TRIM5: variants seen among roughly 807,000 people sequenced by gnomAD.
TRIM5 encodes tripartite motif-containing protein 5.
In TRIM5, 31 loss-of-function variants were observed where a neutral mutation model predicts 35.6. The observed-to-expected ratio is 0.87, with a 90% CI of 0.65 to 1.18. The LOEUF (loss-of-function observed/expected upper bound fraction) is 1.18, where lower values mean the gene tolerates loss of function less well. Ranked by LOEUF, TRIM5 falls within the 50% of genes most tolerant of loss-of-function variation. TRIM5 has a pLI of 0.00. For synonymous variants in TRIM5, 243 were observed against 215.6 expected (o/e 1.13, Z -1.11); for missense variants, 609 against 591.6 (o/e 1.03, Z -0.31).
intron 5 of TRIM5, 23 bp from the exon 6 acceptor site, chr11:5,666,104 A>AC (rs1564907284): frequency 1.9e-6 from 3 of 1,578,096 alleles, no homozygotes; most frequent in South Asian, 2.3e-5. Flanking sequence ...AAAAAAAAAA[A>AC]AAACTTCCAA....
chr11:5,611,119 A>T, the TRIM5 span: 2 of 1,614,188 alleles, frequency 1.2e-6, no homozygotes, highest in South Asian at 2.2e-5. Flanking sequence ...TATAGGGCCT[A>T]TGAGGATTCT....
the TRIM5 span, among the ~76,000 whole-genome samples, chr11:5,638,479 C>T: frequency 1.4e-5 from 2 of 147,738 alleles, no homozygotes; most frequent in African/African-American, 5.0e-5. Flanking sequence ...TTTGGTTGTA[C>T]ACCAGCTGGT....
chr11:5,664,779 G>A lies in TRIM5; in HGVS notation c.*30C>T. ...GAGATGCACCTGGACAAGAGGTGCT[G>A]TACAGAAGGGGCTGAGTGTGTAAGA... On this transcript the variant is annotated 3_prime_UTR_variant, in exon 8 of 8. Transcript: ENST00000380034. 3 of 1,552,988 alleles carry A rather than the reference G, an allele frequency of 1.9e-6. No individual in the cohort carries two copies. In the South Asian group the frequency reaches 3.8e-5, roughly 20 times the overall value.
chr11:5,667,632 T>C lies in TRIM5; in HGVS notation c.767+57A>G, dbSNP rs376059898. The C allele has an allele frequency of 2.1e-4, 328 of 1,570,370 alleles. 1 individual carries two copies. The highest frequency in any genetic ancestry group is 2.7e-4 in the Non-Finnish European group (308 of 1,155,258). The stretch of plus-strand genomic sequence containing the variant: ...CTAATTAAACCCAGGACAATTCTAA[T>C]GGCTATAAATCTCTCCTCACTGCAC... On this transcript the variant is annotated intron_variant, in intron 5 of 7. Coordinates refer to ENST00000380034, the MANE Select transcript of TRIM5 (RefSeq NM_033034.3).
chr11:5,609,625 T>C, the TRIM5 span, among the ~76,000 whole-genome samples: 32 of 152,310 alleles, frequency 2.1e-4, no homozygotes, highest in Admixed American at 2.0e-3. Flanking sequence ...AATGAGACTT[T>C]AAGAAGTTAA....
At chr11:5,632,542 A>C in the TRIM5 span, 1 of 1,614,012 alleles carries the variant, frequency 6.2e-7, no homozygotes, top group Non-Finnish European at 8.5e-7. Flanking sequence ...TCTACAGGCT[A>C]ATCAGCATCT....
At chr11:5,656,499 C>T in the TRIM5 span, among the ~76,000 whole-genome samples, 1 of 152,046 alleles carries the variant, frequency 6.6e-6, no homozygotes, top group Non-Finnish European at 1.5e-5. Flanking sequence ...GGATTACAGG[C>T]ATGCACCACC....
intron 4 of TRIM5, among the ~76,000 whole-genome samples, chr11:5,675,197 T>A (rs1019818455): frequency 1.7e-4 from 23 of 139,234 alleles, no homozygotes; most frequent in African/African-American, 6.0e-4. Context: ...CCTGGCTAAT[T>A]TTTTGTATTA....
intron 6 of TRIM5, 52 bp from the exon 7 acceptor site, chr11:5,665,734 G>C (rs774686808): frequency 1.2e-5 from 18 of 1,471,510 alleles, no homozygotes; most frequent in Non-Finnish European, 1.5e-5. Flanking sequence ...AGTCAGCACT[G>C]AAATTCATTT....
At chr11:5,678,529 G>T in intron 3 of TRIM5, 95 bp from the exon 4 acceptor site, 1 of 970,696 alleles carries the variant, frequency 1.0e-6, no homozygotes, top group Non-Finnish European at 1.5e-6. Flanking sequence ...GTTCTCACAA[G>T]GAGGGGACAT....
At chr11:5,682,311 A>G (rs1309310969) in intron 1 of TRIM5, among the ~76,000 whole-genome samples, 1 of 151,948 alleles carries the variant, frequency 6.6e-6, no homozygotes, top group African/African-American at 2.4e-5. Context: ...TTCTTTCCAC[A>G]TGCTTCTCCT....
At chr11:5,657,608 T>A in the TRIM5 span, among the ~76,000 whole-genome samples, 3 of 102,648 alleles carry the variant, frequency 2.9e-5, no homozygotes, top group Admixed American at 2.8e-4. Context: ...TAATATATAT[T>A]TATATATTAT....
At chr11:5,684,314 A>G (rs1852843117) in intron 1 of TRIM5, among the ~76,000 whole-genome samples, 1 of 152,186 alleles carries the variant, frequency 6.6e-6, no homozygotes. Flanking sequence ...AGGGGGCTTT[A>G]GAGAAGGAGC....
chr11:5,626,351 A>G, the TRIM5 span, among the ~76,000 whole-genome samples: 1 of 152,242 alleles, frequency 6.6e-6, no homozygotes, highest in African/African-American at 2.4e-5. Flanking sequence ...GACTAATACT[A>G]TGGAGTAACA....
intron 1 of TRIM5, among the ~76,000 whole-genome samples, chr11:5,682,352 T>TG (rs1482404384): frequency 1.3e-5 from 2 of 152,068 alleles, no homozygotes; most frequent in Admixed American, 6.5e-5. Flanking sequence ...GCTCTGCTTT[T>TG]GGGGGGCAGA....
intron 4 of TRIM5, among the ~76,000 whole-genome samples, chr11:5,677,491 T>C (rs560078503): frequency 8.7e-4 from 132 of 152,306 alleles, no homozygotes; most frequent in Non-Finnish European, 1.6e-3. Context: ...TAGGAACACT[T>C]TTACACTGTT....
At chr11:5,635,513 T>C in the TRIM5 span, among the ~76,000 whole-genome samples, 134,859 of 152,168 alleles carry the variant, frequency 0.89, 59,829 homozygotes, top group East Asian at 1. Flanking sequence ...GCCTCGGCCT[T>C]CCAAAATGCT....
the TRIM5 span, among the ~76,000 whole-genome samples, chr11:5,622,533 A>C: frequency 2.0e-5 from 3 of 151,776 alleles, no homozygotes; most frequent in Non-Finnish European, 4.4e-5. Flanking sequence ...GAGGTAGGAG[A>C]ATCGAACCTG....
chr11:5,671,990 A>T (rs1487337372), intron 4 of TRIM5, among the ~76,000 whole-genome samples: 1 of 152,132 alleles, frequency 6.6e-6, no homozygotes, highest in Non-Finnish European at 1.5e-5. Context: ...AAAATTAATC[A>T]TTACATAAGG....
Sources: gnomAD v4.1 joint callset for allele counts (sites outside exome capture counted in the v4.1 genomes callset) on GRCh38, gnomAD v4.1.1 for gene constraint, MANE v1.5 for transcripts, NCBI Gene and HGNC (gene_info 2026-07-23, HGNC 2026-07-21) for gene names.